The following RALGAPA1 variants were observed in gnomAD, a reference collection of about 807,000 sequenced individuals.
The protein encoded by RALGAPA1 is Ral GTPase activating protein catalytic subunit alpha 1, also known as ral GTPase-activating protein subunit alpha-1.
RALGAPA1 carries 52 observed loss-of-function variants against 269.6 expected under a neutral mutation model. That is an observed-to-expected ratio of 0.19 (90% CI 0.15 to 0.24). The LOEUF is 0.24. Ranked by LOEUF, RALGAPA1 falls within the 10% of genes least tolerant of loss-of-function variation. RALGAPA1 has a pLI of 1.00. For synonymous variants in RALGAPA1, 817 were observed against 1,008.3 expected (o/e 0.81, Z 3.60); for missense variants, 1,917 against 3,013.9 (o/e 0.64, Z 8.52).
intron 10 of RALGAPA1, among the ~76,000 whole-genome samples, chr14:35,748,199 G>C (rs2072312451): frequency 6.6e-6 from 1 of 151,666 alleles, no homozygotes; most frequent in South Asian, 2.1e-4. Flanking sequence ...ATAAAGAATA[G>C]AAAATACTAG....
intron 36 of RALGAPA1, among the ~76,000 whole-genome samples, chr14:35,601,905 A>G (rs772346246): frequency 6.6e-6 from 1 of 152,194 alleles, no homozygotes; most frequent in Non-Finnish European, 1.5e-5. Context: ...TCATCACTAC[A>G]GTCAATTATA....
chr14:35,575,115 G>A (rs1314140774), intron 37 of RALGAPA1, among the ~76,000 whole-genome samples: 2 of 132,262 alleles, frequency 1.5e-5, no homozygotes, highest in Non-Finnish European at 3.2e-5. Context: ...GCGACACAGT[G>A]AGACTCCATC....
intron 1 of RALGAPA1, among the ~76,000 whole-genome samples, chr14:35,784,410 G>C (rs527882038): frequency 6.6e-6 from 1 of 152,294 alleles, no homozygotes; most frequent in East Asian, 1.9e-4. Context: ...GAAACATGCA[G>C]AAGAGTCAAC....
At chr14:35,716,616 A>G (rs1467510124) in intron 16 of RALGAPA1, among the ~76,000 whole-genome samples, 1 of 152,082 alleles carries the variant, frequency 6.6e-6, no homozygotes, top group Non-Finnish European at 1.5e-5. Flanking sequence ...ATTCAAAGTT[A>G]CCAAGATATC....
chr14:35,692,427 A>C (rs1228015869), intron 17 of RALGAPA1, among the ~76,000 whole-genome samples: 1 of 151,716 alleles, frequency 6.6e-6, no homozygotes, highest in Non-Finnish European at 1.5e-5. Flanking sequence ...TGTGTTTAGG[A>C]ATTCCTTCCC....
At chr14:35,763,792 A>G (rs2073921248) in intron 4 of RALGAPA1, among the ~76,000 whole-genome samples, 1 of 150,720 alleles carries the variant, frequency 6.6e-6, no homozygotes, top group South Asian at 2.1e-4. Flanking sequence ...ATATATATAT[A>G]TAGAGAGAGA....
At chr14:35,571,199 G>A (rs1008793162) in intron 38 of RALGAPA1, among the ~76,000 whole-genome samples, 1 of 152,110 alleles carries the variant, frequency 6.6e-6, no homozygotes. Flanking sequence ...AAATATCTAT[G>A]TTTTGATAAT....
chr14:35,744,318 C>T lies in RALGAPA1; in HGVS notation c.1252-1753G>A, dbSNP rs531810034. Reference sequence around the variant, plus strand: ...CCCGAGAGATGGAAGTTGCGGTAAGCTGAGATCACGCCACTGCACTCCAGC... The same window carrying T: ...CCCGAGAGATGGAAGTTGCGGTAAGTTGAGATCACGCCACTGCACTCCAGC... On this transcript the variant is annotated intron_variant, in intron 10 of 41. Coordinates refer to ENST00000680220, the MANE Select transcript of RALGAPA1 (RefSeq NM_001346249.2). Among the ~76,000 whole-genome samples, 3 of 149,206 alleles carry T rather than the reference C, an allele frequency of 2.0e-5. No individual in the cohort carries two copies. The East Asian group carries it at 5.9e-4, about 29-fold the overall frequency.
intron 2 of RALGAPA1, 44 bp from the exon 3 acceptor site, chr14:35,775,099 TC>T: frequency 1.8e-6 from 2 of 1,086,986 alleles, no homozygotes; most frequent in Non-Finnish European, 2.7e-6. Context: ...TATCATTTTG[TC>T]CTCATAATGA....
At chr14:35,695,726 A>G in intron 17 of RALGAPA1, among the ~76,000 whole-genome samples, 1 of 152,222 alleles carries the variant, frequency 6.6e-6, no homozygotes, top group East Asian at 1.9e-4. Flanking sequence ...CCATGTTTAT[A>G]TACTTTTATA....
rs367667520 is a variant in RALGAPA1 at position 35,609,821 on chromosome 14, G to C, written c.6930-4112C>G. Among the ~76,000 whole-genome samples the C allele has an allele frequency of 8.8e-4, 133 of 151,398 alleles. 2 individuals carry two copies. In the South Asian group the frequency reaches 0.027, roughly 30 times the overall value. ...CCAGTGGTCCCAGGGCCCCTACTTG[G>C]GGAGGCTAAGATGGGAGGATCACTT... On this transcript the variant is annotated intron_variant, in intron 35 of 41. Coordinates refer to ENST00000680220, the MANE Select transcript of RALGAPA1 (RefSeq NM_001346249.2).
At chr14:35,574,914 G>A (rs1194281347) in intron 37 of RALGAPA1, among the ~76,000 whole-genome samples, 1 of 152,014 alleles carries the variant, frequency 6.6e-6, no homozygotes, top group Non-Finnish European at 1.5e-5. Flanking sequence ...ATCACCTGAG[G>A]TCAGGAGTTT....
chr14:35,794,956 TA>T (rs1386187652), intron 1 of RALGAPA1, among the ~76,000 whole-genome samples: 1 of 152,146 alleles, frequency 6.6e-6, no homozygotes, highest in East Asian at 1.9e-4. Flanking sequence ...TCTCTAAATA[TA>T]AAAAAGTAAA....
intron 39 of RALGAPA1, among the ~76,000 whole-genome samples, chr14:35,565,471 T>C (rs536849299): frequency 1.3e-5 from 2 of 152,156 alleles, no homozygotes; most frequent in South Asian, 2.1e-4. Context: ...ATAATGTGGG[T>C]GGGCCTCATC....
Position 35,763,991 on chromosome 14 carries a change from G to A in RALGAPA1, c.326-1238C>T, listed in dbSNP as rs1265916849. ...GATGTATGTTAACTATCTTAATGTT[G>A]CTTTCATTTGATATTTCCTAGTGAC... On this transcript the variant is annotated intron_variant, in intron 4 of 41. Coordinates refer to ENST00000680220, the MANE Select transcript of RALGAPA1 (RefSeq NM_001346249.2). Among the ~76,000 whole-genome samples, 4 of 151,710 alleles carry A rather than the reference G, an allele frequency of 2.6e-5. No individual in the cohort carries two copies. In the South Asian group the frequency reaches 6.3e-4, roughly 24 times the overall value.
Position 35,730,306 on chromosome 14 carries a change from G to T in RALGAPA1, c.1588-1796C>A, listed in dbSNP as rs140299012. 4.4e-3 allele frequency among the ~76,000 whole-genome samples: 675 copies of T among 152,280 alleles called. 3 individuals carry two copies. Among genetic ancestry groups the T allele is most frequent in the African/African-American group, 0.016 (651 of 41,560 alleles). ...GGATCCTTTGGGAGGGTGGCCAGAG[G>T]CGTGTGGAAAATGCCACAGGGAGAA... On this transcript the variant is annotated intron_variant, in intron 12 of 41. Transcript: ENST00000680220.
intron 1 of RALGAPA1, among the ~76,000 whole-genome samples, chr14:35,788,712 C>T (rs1028297018): frequency 6.6e-6 from 1 of 152,138 alleles, no homozygotes; most frequent in African/African-American, 2.4e-5. Context: ...ATACCCTCTG[C>T]CATAATGTCA....
intron 37 of RALGAPA1, among the ~76,000 whole-genome samples, chr14:35,578,594 A>C (rs2057735663): frequency 6.6e-6 from 1 of 152,270 alleles, no homozygotes; most frequent in Admixed American, 6.5e-5. Context: ...CAGGCACAGC[A>C]TCCAATACTA....
chr14:35,619,694 A>G (rs2060483175), intron 35 of RALGAPA1, among the ~76,000 whole-genome samples: 1 of 152,224 alleles, frequency 6.6e-6, no homozygotes, highest in Non-Finnish European at 1.5e-5. Context: ...AGAAGTACAA[A>G]CTATCATCAG....
Sources: allele counts gnomAD v4.1 joint callset (sites outside exome capture counted in the v4.1 genomes callset), GRCh38; gene constraint gnomAD v4.1.1; transcripts MANE v1.5; gene names NCBI Gene and HGNC (gene_info 2026-07-23, HGNC 2026-07-21).